The following SNAPC4 variants were observed in gnomAD, a reference collection of about 807,000 sequenced individuals.
The protein encoded by SNAPC4 is small nuclear RNA activating complex polypeptide 4.
SNAPC4 carries 127 observed loss-of-function variants against 151.3 expected under a neutral mutation model. That is an observed-to-expected ratio of 0.84 (90% CI 0.73 to 0.97). The LOEUF (loss-of-function observed/expected upper bound fraction) is 0.97, where lower values mean the gene tolerates loss of function less well. SNAPC4 is among the 50% of genes least tolerant of loss of function. The probability of loss-of-function intolerance (pLI) is 0.00; values close to 1 mark genes in which losing one functional copy is unlikely to be tolerated. For missense variants in SNAPC4, 2,186 were observed against 1,935.0 expected, an observed-to-expected ratio of 1.13 and a Z score of -2.43; for synonymous variants, 1,002 against 824.4, an observed-to-expected ratio of 1.22 and a Z score of -3.69.
chr9:136,382,207 C>T (rs369920182), intron 17 of SNAPC4, 46 bp downstream of exon 17: 22 of 1,601,230 alleles, frequency 1.4e-5, no homozygotes, highest in African/African-American at 1.2e-4. Flanking sequence ...CAGACCAGGG[C>T]GGGGCACGTG....
chr9:136,380,901 C>G, intron 19 of SNAPC4, 51 bp from the exon 20 acceptor site: 1 of 1,133,396 alleles, frequency 8.8e-7, no homozygotes, highest in Non-Finnish European at 1.3e-6. Flanking sequence ...GGAGCAGCTC[C>G]GAAGCTCCAG....
chr9:136,384,135 G>A lies in SNAPC4; in HGVS notation c.1421-103C>T, dbSNP rs539285723. On this transcript the variant is annotated intron_variant, in intron 14 of 23. Coordinates refer to ENST00000684778, the MANE Select transcript of SNAPC4 (RefSeq NM_003086.4). ...CTCGCCGTGGCCCCATCAGAGTGGAGCCTCCTGTGCACTCTCACGCTGGGG... is the reference window on the plus strand; with the variant it reads ...CTCGCCGTGGCCCCATCAGAGTGGAACCTCCTGTGCACTCTCACGCTGGGG... 5 of 883,338 alleles carry A rather than the reference G, an allele frequency of 5.7e-6. No homozygotes were observed. The South Asian group carries it at 6.7e-5, about 12-fold the overall frequency. 54.7% of individuals were successfully genotyped at this position (883,338 alleles called of 1,614,324 possible). A position where few individuals can be genotyped will look rare whatever the true frequency, so the allele number is the denominator to read the frequency against.
At chr9:136,386,622 C>T (rs1028969840) in intron 13 of SNAPC4, among the ~76,000 whole-genome samples, 13 of 151,076 alleles carry the variant, frequency 8.6e-5, no homozygotes, top group Admixed American at 1.3e-4. Flanking sequence ...TTAGTAGAGA[C>T]GGGGTTTCTC....
intron 7 of SNAPC4, 105 bp downstream of exon 7, chr9:136,394,144 G>A: frequency 1.1e-6 from 1 of 914,450 alleles, no homozygotes; most frequent in Non-Finnish European, 1.8e-6. Context: ...GCTTGAACTG[G>A]GTTCAAGAGA....
At chr9:136,394,743 G>A (rs1834199321) in intron 6 of SNAPC4, 57 bp downstream of exon 6, 2 of 1,455,594 alleles carry the variant, frequency 1.4e-6, no homozygotes, top group Non-Finnish European at 1.9e-6. Flanking sequence ...GGGAAAGGAG[G>A]GCCATGGGGA....
chr9:136,382,727 C>T (rs1021486916), intron 16 of SNAPC4, among the ~76,000 whole-genome samples: 1 of 152,242 alleles, frequency 6.6e-6, no homozygotes, highest in African/African-American at 2.4e-5. Context: ...CTGTTCAACT[C>T]TGACTGCTCC....
At chr9:136,379,966 G>GA in intron 20 of SNAPC4, 102 bp from the exon 21 acceptor site, 7 of 1,450,284 alleles carry the variant, frequency 4.8e-6, no homozygotes, top group Non-Finnish European at 6.7e-6. Context: ...CCTGAAATGG[G>GA]ACGAGGCCCC....
intron 13 of SNAPC4, among the ~76,000 whole-genome samples, chr9:136,385,979 T>C (rs974029709): frequency 6.6e-6 from 1 of 152,214 alleles, no homozygotes; most frequent in Non-Finnish European, 1.5e-5. Context: ...TGGACATTGT[T>C]GTATCTGAGC....
At chr9:136,393,907 G>A (rs1834168555) in intron 7 of SNAPC4, among the ~76,000 whole-genome samples, 1 of 152,194 alleles carries the variant, frequency 6.6e-6, no homozygotes, top group Non-Finnish European at 1.5e-5. Context: ...TTTTCCTGTT[G>A]GCCAGGAAAG....
At chr9:136,384,369 G>A (rs887754808) in intron 14 of SNAPC4, among the ~76,000 whole-genome samples, 1 of 152,230 alleles carries the variant, frequency 6.6e-6, no homozygotes, top group African/African-American at 2.4e-5. Context: ...AGCAGGAGGA[G>A]CACGGGTGCT....
At chr9:136,395,085 G>A (rs940743603) in intron 5 of SNAPC4, among the ~76,000 whole-genome samples, 21 of 152,248 alleles carry the variant, frequency 1.4e-4, no homozygotes, top group African/African-American at 4.3e-4. Flanking sequence ...GCACCTCCAC[G>A]AGGGCTTGCT....
intron 1 of SNAPC4, 186 bp from the exon 2 acceptor site, chr9:136,398,623 C>G: frequency 1.6e-6 from 1 of 609,902 alleles, no homozygotes; most frequent in Non-Finnish European, 2.9e-6. Flanking sequence ...CCTCAGACCC[C>G]ACAAACTCCT....
intron 19 of SNAPC4, 57 bp from the exon 20 acceptor site, chr9:136,380,907 TC>T: frequency 9.6e-7 from 1 of 1,046,378 alleles, no homozygotes; most frequent in Non-Finnish European, 1.5e-6. Context: ...GCTCCGAAGC[TC>T]CAGAGGCCTA....
chr9:136,393,174 G>A (rs1834141378), intron 7 of SNAPC4, among the ~76,000 whole-genome samples: 1 of 152,214 alleles, frequency 6.6e-6, no homozygotes, highest in Non-Finnish European at 1.5e-5. Flanking sequence ...CCCAGAGCAG[G>A]CCAGGGAGGA....
intron 19 of SNAPC4, 134 bp downstream of exon 19, chr9:136,381,188 T>A (rs939107159): frequency 2.7e-6 from 2 of 753,556 alleles, no homozygotes; most frequent in South Asian, 1.6e-5. Flanking sequence ...GTGTAAGGCA[T>A]GAAAAGTGCA....
At chr9:136,392,219 G>A in intron 9 of SNAPC4, 113 bp from the exon 10 acceptor site, 1 of 1,340,374 alleles carries the variant, frequency 7.5e-7, no homozygotes, top group South Asian at 1.2e-5. Flanking sequence ...ACGGCTGCAA[G>A]TAAGCGCAAT....
chr9:136,395,400 A>G lies in SNAPC4; in HGVS notation c.369T>C (p.Ala123=). Reference sequence around the variant, plus strand: ...CTTTCACCTTGGTGCCTTTGGACCCAGCCAGATCCCTCATGAGTTCCTCCT... The same window carrying G: ...CTTTCACCTTGGTGCCTTTGGACCCGGCCAGATCCCTCATGAGTTCCTCCT... The part of the protein sequence containing the change: ...EQQEELMRDL[A]GSKGTKVKDG... Residue 123 remains alanine, a synonymous_variant, in exon 5 of 24, where the codon GCT becomes GCC. Coordinates refer to ENST00000684778, the MANE Select transcript of SNAPC4 (RefSeq NM_003086.4). 6.2e-7 allele frequency: 1 copy of G among 1,613,348 alleles called. No homozygotes were observed. Among genetic ancestry groups the G allele is most frequent in the South Asian group, 1.1e-5 (1 of 91,070 alleles).
In SNAPC4 at chr9:136,377,707, G is replaced by A. The variant is rs770833119; in HGVS notation, c.4120C>T (p.Leu1374Phe). Residue 1374 changes from leucine to phenylalanine, a missense_variant, in exon 22 of 24, where the codon CTC becomes TTC. Leu to Phe is a conservative substitution (Grantham distance 22). Coordinates refer to ENST00000684778, the MANE Select transcript of SNAPC4 (RefSeq NM_003086.4). ...GCCAGGGTGGCCAGGAGCGCAGGGA[G>A]GGTGAAGGCTGCCAGGAACCGCGCC... Reference protein sequence around the residue: ...LRARFLAAFTLPALLATLAPQ... With the variant: ...LRARFLAAFTFPALLATLAPQ... The A allele has an allele frequency of 6.2e-7, 1 of 1,609,016 alleles. No homozygotes were observed.
At chr9:136,380,989 C>G (rs924812835) in intron 19 of SNAPC4, 139 bp from the exon 20 acceptor site, 7 of 616,364 alleles carry the variant, frequency 1.1e-5, no homozygotes, top group Non-Finnish European at 1.8e-5. Flanking sequence ...CCTTCTGATG[C>G]AGATGCAGGG....
Sources: allele counts gnomAD v4.1 joint callset (sites outside exome capture counted in the v4.1 genomes callset), GRCh38; gene constraint gnomAD v4.1.1; transcripts MANE v1.5; gene names NCBI Gene and HGNC (gene_info 2026-07-23, HGNC 2026-07-21).